DLG2: variants seen among roughly 807,000 people sequenced by gnomAD.
DLG2 encodes the protein disks large homolog 2.
DLG2 carries 45 observed loss-of-function variants against 132.5 expected under a neutral mutation model. That is an observed-to-expected ratio of 0.34 (90% CI 0.27 to 0.44). The LOEUF (loss-of-function observed/expected upper bound fraction) is 0.44, where lower values mean the gene tolerates loss of function less well. Ranked by LOEUF, DLG2 falls within the 20% of genes least tolerant of loss-of-function variation. DLG2 has a pLI of 1.00. For missense variants in DLG2, 1,045 were observed against 1,196.9 expected (o/e 0.87, Z 1.87); for synonymous variants, 424 against 419.6 (o/e 1.01, Z -0.13).
chr11:84,183,918 T>G (rs923433811), intron 8 of DLG2, among the ~76,000 whole-genome samples: 11 of 152,206 alleles, frequency 7.2e-5, no homozygotes, highest in Non-Finnish European at 1.3e-4. Context: ...TCCTTTTTTA[T>G]GGCTGCATAG....
intron 7 of DLG2, among the ~76,000 whole-genome samples, chr11:84,399,324 TCA>T (rs2098821666): frequency 1.3e-5 from 2 of 152,136 alleles, no homozygotes; most frequent in East Asian, 1.9e-4. Context: ...ACACTTTCAT[TCA>T]CAGTGTCTCA....
At chr11:83,708,264 CAGAT>C (rs1262831215) in intron 18 of DLG2, among the ~76,000 whole-genome samples, 4 of 152,130 alleles carry the variant, frequency 2.6e-5, no homozygotes, top group Non-Finnish European at 5.9e-5. Flanking sequence ...ACCTAGGAAA[CAGAT>C]AGTACCTGTA....
chr11:84,273,903 C>A (rs2097760753), intron 7 of DLG2, among the ~76,000 whole-genome samples: 1 of 152,104 alleles, frequency 6.6e-6, no homozygotes, highest in Non-Finnish European at 1.5e-5. Flanking sequence ...TCTCTAAAGA[C>A]AAGCCAGAAG....
intron 26 of DLG2, 88 bp downstream of exon 26, chr11:83,466,620 C>T: frequency 1.5e-6 from 1 of 671,370 alleles, no homozygotes; most frequent in Admixed American, 2.2e-5. Context: ...CATTTGTAAG[C>T]ATTCCCAGCA....
intron 6 of DLG2, among the ~76,000 whole-genome samples, chr11:84,656,049 T>C (rs2099687844): frequency 6.6e-6 from 1 of 152,262 alleles, no homozygotes; most frequent in African/African-American, 2.4e-5. Flanking sequence ...CAATTTTCAT[T>C]ATGTACAAGA....
At chr11:83,463,425 G>A (rs182241868) in intron 26 of DLG2, among the ~76,000 whole-genome samples, 29 of 152,240 alleles carry the variant, frequency 1.9e-4, no homozygotes, top group African/African-American at 7.0e-4. Flanking sequence ...GTTACTCGTG[G>A]GTGGAGAAGA....
intron 6 of DLG2, among the ~76,000 whole-genome samples, chr11:84,735,552 C>T (rs748282764): frequency 5.3e-5 from 8 of 151,974 alleles, no homozygotes; most frequent in East Asian, 1.9e-4. Context: ...GTCTTACTAG[C>T]GGTCTTATCA....
At chr11:84,653,087 G>T (rs546482619) in intron 6 of DLG2, among the ~76,000 whole-genome samples, 1 of 151,862 alleles carries the variant, frequency 6.6e-6, no homozygotes, top group Non-Finnish European at 1.5e-5. Flanking sequence ...GCGTCATCAC[G>T]CCCGGATAAT....
intron 18 of DLG2, among the ~76,000 whole-genome samples, chr11:83,780,288 T>C (rs928233009): frequency 1.3e-5 from 2 of 152,208 alleles, no homozygotes; most frequent in East Asian, 3.9e-4. Context: ...CAAGCTTTCA[T>C]TATATCTTTG....
intron 6 of DLG2, among the ~76,000 whole-genome samples, chr11:84,920,321 C>A (rs1319374306): frequency 3.3e-5 from 5 of 152,140 alleles, no homozygotes; most frequent in African/African-American, 2.4e-5. Flanking sequence ...ACTCCCTTTA[C>A]CCAGCATGCC....
intron 8 of DLG2, among the ~76,000 whole-genome samples, chr11:84,212,355 A>G (rs961799102): frequency 6.6e-6 from 1 of 152,212 alleles, no homozygotes; most frequent in African/African-American, 2.4e-5. Context: ...TGAATCTTAT[A>G]TAATTTGGGG....
intron 5 of DLG2, among the ~76,000 whole-genome samples, chr11:85,146,793 T>A (rs2076890552): frequency 6.6e-6 from 1 of 152,172 alleles, no homozygotes; most frequent in African/African-American, 2.4e-5. Context: ...TGCCAGGACT[T>A]ATCCAAGGAC....
rs1001184580 is a variant in DLG2, at chr11:83,771,827, G to A, written c.1825+14863C>T. 6.6e-5 allele frequency among the ~76,000 whole-genome samples: 10 copies of A among 152,164 alleles called. No individual in the cohort carries two copies. The East Asian group carries it at 9.7e-4, about 15-fold the overall frequency. On this transcript the variant is annotated intron_variant, in intron 18 of 27. Transcript: ENST00000376104. ...AGTGACCTTCAACAGAGGTATTTAC[G>A]CGTTGACTATTGCATAATGAAAACG...
intron 3 of DLG2, among the ~76,000 whole-genome samples, chr11:85,383,643 G>T (rs2086085399): frequency 6.6e-6 from 1 of 152,036 alleles, no homozygotes; most frequent in African/African-American, 2.4e-5. Context: ...CAACTATCCG[G>T]CATAACCTAT....
chr11:84,747,432 A>G (rs2065522613), intron 6 of DLG2, among the ~76,000 whole-genome samples: 1 of 152,224 alleles, frequency 6.6e-6, no homozygotes, highest in Non-Finnish European at 1.5e-5. Flanking sequence ...GAGGCAGAAA[A>G]AAAAGCATGG....
intron 7 of DLG2, among the ~76,000 whole-genome samples, chr11:84,300,431 G>C (rs1327280045): frequency 6.6e-6 from 1 of 152,210 alleles, no homozygotes. Flanking sequence ...TGACAAGAAA[G>C]ACAGGTGCAT....
chr11:84,222,399 T>C (rs546453107), intron 8 of DLG2, among the ~76,000 whole-genome samples: 12 of 152,320 alleles, frequency 7.9e-5, no homozygotes, highest in Admixed American at 7.8e-4. Context: ...CTATAATATC[T>C]TTTTTACCTT....
intron 6 of DLG2, among the ~76,000 whole-genome samples, chr11:84,949,786 G>A (rs1304367871): frequency 2.0e-5 from 3 of 152,122 alleles, no homozygotes; most frequent in African/African-American, 7.2e-5. Flanking sequence ...TGTACAATTT[G>A]TGTAGTTAAC....
At chr11:85,220,792 A>G (rs769609718) in intron 4 of DLG2, among the ~76,000 whole-genome samples, 33 of 151,752 alleles carry the variant, frequency 2.2e-4, no homozygotes, top group Non-Finnish European at 4.1e-4. Flanking sequence ...ATAAATATTT[A>G]TTTTTAGATA....
Sources: gnomAD v4.1 joint callset for allele counts (sites outside exome capture counted in the v4.1 genomes callset) on GRCh38, gnomAD v4.1.1 for gene constraint, MANE v1.5 for transcripts, NCBI Gene and HGNC (gene_info 2026-07-23, HGNC 2026-07-21) for gene names.